Variants in CA10 observed in about 807,000 individuals in gnomAD.
CA10 encodes the protein carbonic anhydrase 10 (inactive).
CA10 carries 14 observed loss-of-function variants against 44.2 expected under a neutral mutation model. That is an observed-to-expected ratio of 0.32 (90% CI 0.21 to 0.50). CA10 has a LOEUF of 0.50. Among genes scored for constraint, CA10 ranks in the 20% least tolerant of loss-of-function variants. The probability of loss-of-function intolerance (pLI) is 0.99; values close to 1 mark genes in which losing one functional copy is unlikely to be tolerated. For missense variants in CA10, 350 were observed against 409.7 expected (o/e 0.85, Z 1.26); for synonymous variants, 159 against 141.6 (o/e 1.12, Z -0.87).
At chr17:51,912,033 A>G (rs765863842) in intron 3 of CA10, among the ~76,000 whole-genome samples, 5 of 152,274 alleles carry the variant, frequency 3.3e-5, no homozygotes, top group Non-Finnish European at 7.4e-5. Context: ...CATGAAGACT[A>G]ACAAGTACAG....
Position 51,931,094 on chromosome 17 carries a change from G to T in CA10, c.175C>A (p.Leu59Ile), listed in dbSNP as rs1369735357. The change falls in exon 3 of 9, where the codon CTT (leucine) becomes ATT (isoleucine). Residue 59 changes from leucine (L) to isoleucine (I), a missense_variant. Leu to Ile is a conservative substitution (Grantham distance 5). Transcript: ENST00000451037. ...FWGLVNSAWNLCSVGKRQSPV... is the reference protein window; with the variant it reads ...FWGLVNSAWNICSVGKRQSPV... ...GACTGCCGTTTCCCCACAGAGCAAA[G>T]ATTCCAAGCTGAGTTCACCAATCCC... The T allele has an allele frequency of 1.2e-6, 2 of 1,613,616 alleles. No individual in the cohort carries two copies. Among genetic ancestry groups the T allele is most frequent in the Admixed American group, 3.3e-5 (2 of 59,984 alleles).
intron 2 of CA10, among the ~76,000 whole-genome samples, chr17:52,056,151 G>T (rs1480937087): frequency 1.3e-5 from 2 of 151,992 alleles, no homozygotes; most frequent in African/African-American, 4.8e-5. Context: ...GGCTGCAAAG[G>T]AACCCTCAAA....
chr17:51,898,254 T>C (rs1227769835), intron 3 of CA10, among the ~76,000 whole-genome samples: 4 of 152,112 alleles, frequency 2.6e-5, no homozygotes, highest in Non-Finnish European at 5.9e-5. Flanking sequence ...GTGTCTGGTT[T>C]GTTGTTTTTT....
chr17:52,077,584 G>T lies in CA10; in HGVS notation c.62-5191C>A, dbSNP rs140906734. Among the ~76,000 whole-genome samples the T allele has an allele frequency of 1.8e-3, 270 of 148,512 alleles. 1 individual carries two copies. Among genetic ancestry groups the T allele is most frequent in the African/African-American group, 6.3e-3 (252 of 40,106 alleles). On this transcript the variant is annotated intron_variant, in intron 1 of 8. Coordinates refer to ENST00000451037, the MANE Select transcript of CA10 (RefSeq NM_020178.5). ...GCTCAGTTCTGTCTTGGATCTAAAA[G>T]ATTTTTGTTATCCAGTTCTGTTTCT... is the stretch of plus-strand genomic sequence containing the variant.
At chr17:51,812,292 ATAATTT>A (rs1385656287) in intron 3 of CA10, among the ~76,000 whole-genome samples, 7 of 152,236 alleles carry the variant, frequency 4.6e-5, no homozygotes, top group South Asian at 2.1e-4. Flanking sequence ...AATTCTTTTC[ATAATTT>A]TACGTTTTTT....
chr17:51,666,832 G>C (rs73987142), intron 4 of CA10, among the ~76,000 whole-genome samples: 1 of 152,118 alleles, frequency 6.6e-6, no homozygotes, highest in African/African-American at 2.4e-5. Flanking sequence ...CCCAACACAG[G>C]CTTCTGAAAA....
chr17:51,661,383 C>A (rs906402021), intron 4 of CA10, among the ~76,000 whole-genome samples: 5 of 152,200 alleles, frequency 3.3e-5, no homozygotes, highest in African/African-American at 1.2e-4. Flanking sequence ...AACCAAGACA[C>A]TGAGTATCAC....
At chr17:51,647,830 TTA>T (rs1913400428) in intron 6 of CA10, among the ~76,000 whole-genome samples, 1 of 152,218 alleles carries the variant, frequency 6.6e-6, no homozygotes, top group Admixed American at 6.5e-5. Flanking sequence ...AAGTGTGTGC[TTA>T]GAGAGGACTC....
At chr17:51,703,087 G>A (rs1319694526) in intron 4 of CA10, among the ~76,000 whole-genome samples, 1 of 152,156 alleles carries the variant, frequency 6.6e-6, no homozygotes, top group African/African-American at 2.4e-5. Flanking sequence ...GAGGTTAAGT[G>A]TCTTTCTCTA....
In CA10 at chr17:52,119,260, AG is replaced by A. The variant is rs1427216063; in HGVS notation, c.61+38465del. On this transcript the variant is annotated intron_variant, in intron 1 of 8. Transcript: ENST00000451037. ...TGGCAGTATTCATGACTTATGGCAA[AG>A]TAGTTATTTGTGTCAGTGCAATAAG... Among the ~76,000 whole-genome samples, 676 of 119,492 alleles carry A rather than the reference AG, an allele frequency of 5.7e-3. 1 individual carries two copies. The highest frequency in any genetic ancestry group is 8.8e-3 in the Non-Finnish European group (459 of 52,424). The allele number at this position is 119,492 out of a possible 152,430, so 78.4% of individuals were successfully genotyped here. A position where few individuals can be genotyped will look rare whatever the true frequency, so the allele number is the denominator to read the frequency against.
intron 1 of CA10, among the ~76,000 whole-genome samples, chr17:52,084,679 C>G (rs1261845542): frequency 6.6e-6 from 1 of 152,124 alleles, no homozygotes; most frequent in East Asian, 1.9e-4. Flanking sequence ...CTGCTATTTT[C>G]CAGGACCTCA....
chr17:51,993,937 C>T (rs929634369), intron 2 of CA10, among the ~76,000 whole-genome samples: 1 of 151,946 alleles, frequency 6.6e-6, no homozygotes, highest in East Asian at 1.9e-4. Flanking sequence ...AGATAAGGAA[C>T]CAGTAGTTAC....
At chr17:51,686,828 G>A (rs1915026412) in intron 4 of CA10, among the ~76,000 whole-genome samples, 1 of 152,106 alleles carries the variant, frequency 6.6e-6, no homozygotes, top group Non-Finnish European at 1.5e-5. Flanking sequence ...CCAAAAGTAA[G>A]CTTGATACTA....
At chr17:51,943,813 T>A (rs772456329) in intron 2 of CA10, among the ~76,000 whole-genome samples, 2 of 152,162 alleles carry the variant, frequency 1.3e-5, no homozygotes, top group Non-Finnish European at 2.9e-5. Flanking sequence ...AAAGCAGGTT[T>A]TTCTCAGCTT....
At chr17:51,859,597 G>A (rs1041414469) in intron 3 of CA10, among the ~76,000 whole-genome samples, 2 of 152,134 alleles carry the variant, frequency 1.3e-5, no homozygotes, top group African/African-American at 4.8e-5. Context: ...TTGGCATCAG[G>A]AGAGCTGAGT....
chr17:51,857,118 A>G (rs1422544318), intron 3 of CA10, among the ~76,000 whole-genome samples: 1 of 152,230 alleles, frequency 6.6e-6, no homozygotes, highest in Non-Finnish European at 1.5e-5. Flanking sequence ...ATCCAAACAA[A>G]TGGAAACCAT....
rs145545011 is a variant in CA10, at chr17:51,929,412, G to T, written c.279+1578C>A. The stretch of plus-strand genomic sequence containing the variant: ...ATTCAGCTCCCGAACACTGCCTCAG[G>T]ACCTGCCCTCTGCTGTCCTCTCTAG... On this transcript the variant is annotated intron_variant, in intron 3 of 8. Coordinates refer to ENST00000451037, the MANE Select transcript of CA10 (RefSeq NM_020178.5). Among the ~76,000 whole-genome samples the T allele has an allele frequency of 1.5e-3, 233 of 152,206 alleles. 1 individual carries two copies. Among genetic ancestry groups the T allele is most frequent in the African/African-American group, 5.4e-3 (223 of 41,536 alleles).
At chr17:51,640,816 G>T (rs1913048959) in intron 6 of CA10, among the ~76,000 whole-genome samples, 1 of 152,192 alleles carries the variant, frequency 6.6e-6, no homozygotes, top group Non-Finnish European at 1.5e-5. Context: ...GAAAACCATT[G>T]TTTGGTTCTT....
chr17:51,727,459 C>A (rs567826380), intron 4 of CA10, among the ~76,000 whole-genome samples: 1 of 152,026 alleles, frequency 6.6e-6, no homozygotes, highest in East Asian at 1.9e-4. Flanking sequence ...TTCAGAAGAT[C>A]TTTATGAACA....
Sources: gnomAD v4.1 joint callset for allele counts (sites outside exome capture counted in the v4.1 genomes callset) on GRCh38, gnomAD v4.1.1 for gene constraint, MANE v1.5 for transcripts, NCBI Gene and HGNC (gene_info 2026-07-23, HGNC 2026-07-21) for gene names.